The following SUPT3H variants were observed in gnomAD, a reference collection of about 807,000 sequenced individuals.
The protein encoded by SUPT3H is SPT3 homolog, SAGA and STAGA complex component, also known as transcription initiation protein SPT3 homolog.
In SUPT3H, 44 loss-of-function variants were observed where a neutral mutation model predicts 44.3. The observed-to-expected ratio is 0.99, with a 90% confidence interval of 0.78 to 1.28. The LOEUF is 1.28. SUPT3H is among the 50% of genes most tolerant of loss of function. The pLI is 0.00. For missense variants in SUPT3H, 380 were observed against 387.1 expected (o/e 0.98, Z 0.15); for synonymous variants, 124 against 125.6 (o/e 0.99, Z 0.09).
intron 10 of SUPT3H, among the ~76,000 whole-genome samples, chr6:44,898,124 C>G (rs1288758749): frequency 6.6e-6 from 1 of 152,098 alleles, no homozygotes; most frequent in Non-Finnish European, 1.5e-5. Flanking sequence ...TCCTTTGAGG[C>G]CTTTTGTTAA....
intron 10 of SUPT3H, among the ~76,000 whole-genome samples, chr6:44,849,788 G>A: frequency 6.6e-6 from 1 of 152,168 alleles, no homozygotes. Flanking sequence ...AAATCACTGG[G>A]CAGGAAAAAT....
chr6:45,299,574 G>A (rs1310925357), intron 2 of SUPT3H, among the ~76,000 whole-genome samples: 1 of 151,960 alleles, frequency 6.6e-6, no homozygotes, highest in Non-Finnish European at 1.5e-5. Flanking sequence ...ACTGTACACA[G>A]TCATTAAAAA....
intron 2 of SUPT3H, among the ~76,000 whole-genome samples, chr6:45,164,430 A>G (rs893915518): frequency 3.9e-5 from 6 of 152,212 alleles, no homozygotes; most frequent in African/African-American, 1.4e-4. Context: ...GTGACTTTAC[A>G]GAATCTAACT....
chr6:45,324,851 A>G (rs1486734733), intron 2 of SUPT3H, among the ~76,000 whole-genome samples: 4 of 152,052 alleles, frequency 2.6e-5, no homozygotes, highest in Non-Finnish European at 5.9e-5. Context: ...CCTTGTATAC[A>G]TACGCAATAA....
intron 3 of SUPT3H, among the ~76,000 whole-genome samples, chr6:45,047,009 A>T (rs911852972): frequency 3.3e-5 from 5 of 152,230 alleles, no homozygotes; most frequent in Admixed American, 3.3e-4. Context: ...CACTGCCGGT[A>T]TATAAAAATA....
chr6:45,254,855 G>A (rs116619387), intron 2 of SUPT3H, among the ~76,000 whole-genome samples: 2,660 of 152,038 alleles, frequency 0.017, 48 homozygotes, highest in South Asian at 0.084. Context: ...TGTGCCATTC[G>A]GAGCAGCATA....
intron 10 of SUPT3H, among the ~76,000 whole-genome samples, chr6:44,905,628 T>A (rs1765906243): frequency 6.6e-6 from 1 of 152,096 alleles, no homozygotes; most frequent in Admixed American, 6.6e-5. Context: ...CTCAGGGATC[T>A]TGAACTAGAA....
At chr6:44,896,521 A>G (rs527313673) in intron 10 of SUPT3H, among the ~76,000 whole-genome samples, 33 of 152,308 alleles carry the variant, frequency 2.2e-4, no homozygotes, top group African/African-American at 7.2e-4. Context: ...AGATGAAACA[A>G]AATCAATAAT....
At chr6:45,373,422 G>A (rs1203652302) in intron 1 of SUPT3H, among the ~76,000 whole-genome samples, 3 of 152,166 alleles carry the variant, frequency 2.0e-5, no homozygotes, top group Non-Finnish European at 4.4e-5. Flanking sequence ...TACAACGGAA[G>A]GAACACATCA....
In SUPT3H at chr6:45,241,206, G is replaced by C. The variant is rs569863053; in HGVS notation, c.101+123995C>G. Among the ~76,000 whole-genome samples the C allele has an allele frequency of 2.7e-3, 383 of 143,088 alleles. 3 individuals are homozygous for C. Among genetic ancestry groups the C allele is most frequent in the African/African-American group, 8.8e-3 (359 of 40,726 alleles). The allele number at this position is 143,088 out of a possible 152,430, so 93.9% of individuals were successfully genotyped here. On this transcript the variant is annotated intron_variant, in intron 2 of 10. Transcript: ENST00000371459. Reference sequence around the variant, plus strand: ...AAAAAGGGGGACATGTTGGGAACAGGCCCCCCCCCAAATCTTGCCATAAGC... The same window carrying C: ...AAAAAGGGGGACATGTTGGGAACAGCCCCCCCCCCAAATCTTGCCATAAGC...
chr6:44,876,634 C>A (rs1561937961), intron 10 of SUPT3H, among the ~76,000 whole-genome samples: 1 of 148,582 alleles, frequency 6.7e-6, no homozygotes, highest in Admixed American at 6.7e-5. Flanking sequence ...GCACATGTAC[C>A]CTAAAACTTA....
chr6:44,917,973 A>G (rs1018364121), intron 10 of SUPT3H, among the ~76,000 whole-genome samples: 1 of 152,156 alleles, frequency 6.6e-6, no homozygotes, highest in African/African-American at 2.4e-5. Flanking sequence ...TCATTAGCAA[A>G]TTCACTCTAA....
chr6:45,150,581 T>C (rs748540029), intron 2 of SUPT3H, among the ~76,000 whole-genome samples: 51 of 152,146 alleles, frequency 3.4e-4, no homozygotes, highest in Admixed American at 9.8e-4. Context: ...CACCATGCCT[T>C]ATAGTTTTCT....
At chr6:45,321,529 T>C (rs1349754104) in intron 2 of SUPT3H, among the ~76,000 whole-genome samples, 1 of 152,174 alleles carries the variant, frequency 6.6e-6, no homozygotes, top group African/African-American at 2.4e-5. Flanking sequence ...AAAAACATGA[T>C]AGCATTATCA....
intron 2 of SUPT3H, among the ~76,000 whole-genome samples, chr6:45,293,831 T>A (rs1329873068): frequency 6.6e-6 from 1 of 151,720 alleles, no homozygotes; most frequent in Non-Finnish European, 1.5e-5. Context: ...GTAGTGAGAC[T>A]GAAATGGTAA....
intron 2 of SUPT3H, among the ~76,000 whole-genome samples, chr6:45,362,880 A>G (rs1292611324): frequency 6.6e-6 from 1 of 152,160 alleles, no homozygotes; most frequent in Non-Finnish European, 1.5e-5. Context: ...CAAATGCACT[A>G]AATAGAAGCT....
intron 2 of SUPT3H, among the ~76,000 whole-genome samples, chr6:45,110,305 A>G (rs1310212119): frequency 6.6e-6 from 1 of 152,178 alleles, no homozygotes; most frequent in Non-Finnish European, 1.5e-5. Context: ...CATGAGATGA[A>G]GTTAAACTTT....
intron 2 of SUPT3H, among the ~76,000 whole-genome samples, chr6:45,322,191 G>A (rs1484093360): frequency 6.6e-6 from 1 of 151,776 alleles, no homozygotes; most frequent in Admixed American, 6.6e-5. Flanking sequence ...CAATTTTATA[G>A]TTCATTAAGC....
intron 2 of SUPT3H, among the ~76,000 whole-genome samples, chr6:45,326,158 A>C (rs879486397): frequency 6.6e-6 from 1 of 151,920 alleles, no homozygotes; most frequent in Non-Finnish European, 1.5e-5. Context: ...GTTTACATAA[A>C]GAAGATTTTA....
Sources: allele counts gnomAD v4.1 joint callset (sites outside exome capture counted in the v4.1 genomes callset), GRCh38; gene constraint gnomAD v4.1.1; transcripts MANE v1.5; gene names NCBI Gene and HGNC (gene_info 2026-07-23, HGNC 2026-07-21).